POU6F2: variants seen among roughly 807,000 people sequenced by gnomAD.
POU6F2 encodes POU domain, class 6, transcription factor 2.
In POU6F2, 31 loss-of-function variants were observed where a neutral mutation model predicts 71.3. The ratio of observed to expected loss-of-function variants is 0.43; its 90% CI spans 0.33 to 0.59. POU6F2 has a LOEUF of 0.59. Ranked by LOEUF, POU6F2 falls within the 20% of genes least tolerant of loss-of-function variation. The probability of loss-of-function intolerance (pLI) is 0.04; values close to 1 mark genes in which losing one functional copy is unlikely to be tolerated. For missense variants in POU6F2, 783 were observed against 856.8 expected, an observed-to-expected ratio of 0.91 and a Z score of 1.07; for synonymous variants, 347 against 355.7, an observed-to-expected ratio of 0.98 and a Z score of 0.27.
chr7:39,322,513 A>C (rs1376893724), intron 4 of POU6F2, among the ~76,000 whole-genome samples: 2 of 152,112 alleles, frequency 1.3e-5, no homozygotes, highest in Non-Finnish European at 2.9e-5. Flanking sequence ...TCCATCTCAG[A>C]CCTACCTGCA....
At chr7:39,138,869 G>C (rs556845827) in intron 2 of POU6F2, among the ~76,000 whole-genome samples, 7 of 152,084 alleles carry the variant, frequency 4.6e-5, no homozygotes, top group African/African-American at 1.4e-4. Context: ...TCCCTTTCAC[G>C]TCATGGAGTC....
Position 39,227,647 on chromosome 7 carries a change from C to T in POU6F2, c.598+20027C>T, listed in dbSNP as rs567544408. On this transcript the variant is annotated intron_variant, in intron 4 of 9. Transcript: ENST00000518318. ...TCAGCTCACTGCAACCTCTGCCACC[C>T]GGGTTCACGCCATTCTCCTGCCTCA... 4.6e-5 allele frequency among the ~76,000 whole-genome samples: 7 copies of T among 151,802 alleles called. No homozygotes were observed. In the South Asian group the frequency reaches 6.3e-4, roughly 14 times the overall value.
At chr7:39,405,737 G>A (rs1025728883) in intron 5 of POU6F2, among the ~76,000 whole-genome samples, 18 of 152,212 alleles carry the variant, frequency 1.2e-4, no homozygotes, top group African/African-American at 4.3e-4. Context: ...CTGAAAACCT[G>A]TGGCGTGGAA....
At chr7:39,200,876 A>G in intron 2 of POU6F2, among the ~76,000 whole-genome samples, 1 of 151,700 alleles carries the variant, frequency 6.6e-6, no homozygotes, top group African/African-American at 2.4e-5. Flanking sequence ...AAAAAGAAAA[A>G]ATTAGCTGGG....
Position 39,352,458 on chromosome 7 carries a change from A to G in POU6F2, c.972+12443A>G, listed in dbSNP as rs570328707. 3.9e-5 allele frequency among the ~76,000 whole-genome samples: 6 copies of G among 152,194 alleles called. No homozygotes were observed. In the East Asian group the frequency reaches 1.2e-3, roughly 29 times the overall value. On this transcript the variant is annotated intron_variant, in intron 5 of 9. Coordinates refer to ENST00000518318, the MANE Select transcript of POU6F2 (RefSeq NM_001370959.1). ...TTTTCGAGAGCAAAACACAAGATAC[A>G]TGCAAAACAGTAACAAAATGATCCT...
intron 4 of POU6F2, among the ~76,000 whole-genome samples, chr7:39,257,324 T>C (rs189474671): frequency 1.3e-5 from 2 of 152,300 alleles, no homozygotes; most frequent in East Asian, 3.9e-4. Context: ...AATTATTTAG[T>C]CATTGTAAAG....
intron 9 of POU6F2, among the ~76,000 whole-genome samples, chr7:39,461,769 T>C (rs1294931208): frequency 6.6e-6 from 1 of 152,192 alleles, no homozygotes; most frequent in East Asian, 1.9e-4. Context: ...TAGGATCCTC[T>C]CACTTCTATG....
intron 4 of POU6F2, among the ~76,000 whole-genome samples, chr7:39,267,241 A>T (rs62453457): frequency 6.6e-6 from 1 of 151,970 alleles, no homozygotes; most frequent in African/African-American, 2.4e-5. Flanking sequence ...GACGCCCATA[A>T]AATTACAGTG....
At chr7:39,059,575 A>G (rs946049905) in intron 1 of POU6F2, among the ~76,000 whole-genome samples, 12 of 152,002 alleles carry the variant, frequency 7.9e-5, no homozygotes, top group Non-Finnish European at 1.5e-4. Context: ...ATACACTGCT[A>G]GTAGGAATGT....
chr7:39,398,159 C>T (rs1414517508), intron 5 of POU6F2, among the ~76,000 whole-genome samples: 1 of 152,128 alleles, frequency 6.6e-6, no homozygotes, highest in African/African-American at 2.4e-5. Flanking sequence ...CTCACTCCTT[C>T]ACTCGATAAA....
chr7:39,364,260 C>T (rs1786451607), intron 5 of POU6F2, among the ~76,000 whole-genome samples: 1 of 143,916 alleles, frequency 6.9e-6, no homozygotes, highest in African/African-American at 2.6e-5. Context: ...TCTCTATTCT[C>T]TTTTTTTTTT....
chr7:39,451,691 G>C lies in POU6F2; in HGVS notation c.1479G>C (p.Gln493His), dbSNP rs767006358. 6.3e-7 allele frequency: 1 copy of C among 1,591,690 alleles called. No individual in the cohort carries two copies. The highest frequency in any genetic ancestry group is 8.6e-7 in the Non-Finnish European group (1 of 1,168,796). The change falls in exon 8 of 10, where the codon CAG becomes CAC. Residue 493 changes from glutamine to histidine, a missense_variant. Gln to His is a conservative substitution (Grantham distance 24, BLOSUM62 0). This residue lies in a region of POU6F2 where 572 missense variants were observed against 572.9 expected (regional missense o/e 1.00). Transcript: ENST00000518318. ...SSSSSALSVG[Q>H]LVSNPQTAAG... ...CTTCTTCAGCTTTGAGCGTGGGCCA[G>C]TTAGTCAGCAGTAAGTATCCTTTCT... is the stretch of plus-strand genomic sequence containing the variant.
chr7:39,036,667 T>TAA (rs11450878), intron 1 of POU6F2, among the ~76,000 whole-genome samples: 7 of 149,006 alleles, frequency 4.7e-5, no homozygotes, highest in Admixed American at 1.3e-4. Flanking sequence ...GACATAGATT[T>TAA]AAAAAAAAAA....
intron 7 of POU6F2, among the ~76,000 whole-genome samples, chr7:39,436,622 C>G (rs190203647): frequency 6.6e-6 from 1 of 152,246 alleles, no homozygotes; most frequent in Admixed American, 6.5e-5. Context: ...ATTTTCCTCT[C>G]TCGCCTGATT....
chr7:39,446,352 T>A (rs1788523489), intron 7 of POU6F2, among the ~76,000 whole-genome samples: 1 of 152,264 alleles, frequency 6.6e-6, no homozygotes. Flanking sequence ...TTCTTTATAT[T>A]TAATCCCATT....
intron 2 of POU6F2, among the ~76,000 whole-genome samples, chr7:39,195,810 C>T (rs987127172): frequency 1.3e-5 from 2 of 152,216 alleles, no homozygotes; most frequent in African/African-American, 4.8e-5. Flanking sequence ...AGAACTACAG[C>T]GTTCTCTAGC....
At chr7:39,365,060 A>G (rs1399690025) in intron 5 of POU6F2, among the ~76,000 whole-genome samples, 1 of 152,074 alleles carries the variant, frequency 6.6e-6, no homozygotes, top group East Asian at 1.9e-4. Flanking sequence ...GGCCATTTGT[A>G]TATCTTCTTT....
At chr7:39,405,706 T>G (rs577796675) in intron 5 of POU6F2, among the ~76,000 whole-genome samples, 38 of 152,246 alleles carry the variant, frequency 2.5e-4, no homozygotes, top group Non-Finnish European at 5.0e-4. Flanking sequence ...AAGCCACACT[T>G]CTGCCTCATG....
intron 1 of POU6F2, among the ~76,000 whole-genome samples, chr7:39,024,419 G>A (rs1405730531): frequency 6.6e-6 from 1 of 151,968 alleles, no homozygotes. Context: ...AGACGATGGG[G>A]TTTTCTAGAT....
Sources: allele counts gnomAD v4.1 joint callset (sites outside exome capture counted in the v4.1 genomes callset), GRCh38; gene constraint gnomAD v4.1.1; regional missense constraint gnomAD v4.1.1; transcripts MANE v1.5; gene names NCBI Gene and HGNC (gene_info 2026-07-23, HGNC 2026-07-21).